The following IPO5 variants were observed in gnomAD, a reference collection of about 807,000 sequenced individuals.
The protein encoded by IPO5 is importin-5.
A neutral mutation model predicts 143.3 loss-of-function variants in IPO5; 18 were observed. That is an observed-to-expected ratio of 0.13 (90% CI 0.09 to 0.19). The LOEUF (loss-of-function observed/expected upper bound fraction) is 0.19, where lower values mean the gene tolerates loss of function less well. Among genes scored for constraint, IPO5 ranks in the 10% least tolerant of loss-of-function variants. The probability of loss-of-function intolerance (pLI) is 1.00; values close to 1 mark genes in which losing one functional copy is unlikely to be tolerated. For synonymous variants in IPO5, 477 were observed against 465.7 expected, an observed-to-expected ratio of 1.02 and a Z score of -0.31; for missense variants, 1,013 against 1,336.9, an observed-to-expected ratio of 0.76 and a Z score of 3.78.
At position 98,019,631 on chromosome 13, in the gene IPO5, A is replaced by G; in HGVS notation, c.2887A>G (p.Lys963Glu). The G allele has an allele frequency of 6.2e-7, 1 of 1,614,196 alleles. No individual in the cohort carries two copies. Among genetic ancestry groups the G allele is most frequent in the Admixed American group, 1.7e-5 (1 of 60,030 alleles). Residue 963 changes from lysine (K) to glutamate (E), a missense_variant, in exon 27 of 29, where the codon AAA (lysine) becomes GAA (glutamate). Physicochemically the swap from Lys to Glu is moderately conservative, Grantham distance 56. This residue lies in a region of IPO5 where 685 missense variants were observed against 994.9 expected (regional missense o/e 0.69). Transcript: ENST00000651721. ...RVIQSADSKT[K>E]ENVNATENCI... ...TATTCAGTCTGCGGATTCTAAGACC[A>G]AAGAAAATGTCAATGCTACAGAGAA...
At chr13:97,970,926 G>A (rs1885776813) in intron 3 of IPO5, among the ~76,000 whole-genome samples, 2 of 152,206 alleles carry the variant, frequency 1.3e-5, no homozygotes, top group African/African-American at 4.8e-5. Context: ...AGCAATCACA[G>A]CCACTATCTA....
At chr13:97,956,457 A>G (rs1884467080) in intron 2 of IPO5, among the ~76,000 whole-genome samples, 1 of 152,218 alleles carries the variant, frequency 6.6e-6, no homozygotes, top group African/African-American at 2.4e-5. Flanking sequence ...TTGCTCTGCC[A>G]GAAAATTAAT....
chr13:98,014,007 A>G lies in IPO5; in HGVS notation c.2153-35A>G, dbSNP rs754445360. On this transcript the variant is annotated intron_variant, in intron 21 of 28. Coordinates refer to ENST00000651721, the MANE Select transcript of IPO5 (RefSeq NM_002271.6). ...AACCCTTTAACATTTAAGCAAAATA[A>G]TAAACAGTCTTTTGAGGTTCCTTAA... is the stretch of plus-strand genomic sequence containing the variant. The G allele has an allele frequency of 1.9e-6, 3 of 1,579,890 alleles. No homozygotes were observed. The African/African-American group carries it at 4.1e-5, about 22-fold the overall frequency.
chr13:97,989,423 TG>T (rs1887642757), intron 7 of IPO5, among the ~76,000 whole-genome samples: 1 of 152,182 alleles, frequency 6.6e-6, no homozygotes, highest in Non-Finnish European at 1.5e-5. Flanking sequence ...AAAGTTTTAT[TG>T]AACAGTTTCC....
chr13:98,011,538 ACT>A (rs1474740822), intron 20 of IPO5, among the ~76,000 whole-genome samples: 2 of 142,192 alleles, frequency 1.4e-5, no homozygotes, highest in South Asian at 2.2e-4. Flanking sequence ...GATCCGTCTA[ACT>A]CTGTCAGCCA....
intron 4 of IPO5, chr13:97,982,107 C>A (rs547338307): frequency 3.5e-5 from 6 of 171,012 alleles, no homozygotes; most frequent in Non-Finnish European, 7.4e-5. Context: ...TGTACATCAT[C>A]CAGTCTAAAA....
At chr13:97,977,435 C>G (rs1566475674) in intron 4 of IPO5, among the ~76,000 whole-genome samples, 1 of 152,168 alleles carries the variant, frequency 6.6e-6, no homozygotes, top group Non-Finnish European at 1.5e-5. Flanking sequence ...GCAGTTTCCA[C>G]CTTACTCTGG....
chr13:98,011,209 C>T (rs977019000), intron 20 of IPO5, among the ~76,000 whole-genome samples: 10 of 152,054 alleles, frequency 6.6e-5, no homozygotes, highest in Non-Finnish European at 1.3e-4. Flanking sequence ...CAAATAATAA[C>T]ATCTTTAAAC....
At chr13:97,981,183 A>G (rs17190357) in intron 4 of IPO5, 4,772 of 442,018 alleles carry the variant, frequency 0.011, 62 homozygotes, top group Non-Finnish European at 0.017. Context: ...TAGAATGGGA[A>G]CTTGAGGTTA....
At chr13:98,021,694 G>A (rs372096807) in intron 28 of IPO5, 42 bp from the exon 29 acceptor site, 59 of 1,210,306 alleles carry the variant, frequency 4.9e-5, no homozygotes, top group Non-Finnish European at 6.4e-5. Context: ...CCTTCCAAAT[G>A]AGCATTTCGT....
Position 98,009,964 on chromosome 13 carries a change from G to A in IPO5, c.1884G>A (p.Gly628=), listed in dbSNP as rs1472913104. ...AGCAATACCTTCCAGTGGTTATGGG[G>A]CCTTTAATGAAGACGGCTTCAATTA... ...EFQQYLPVVM[G]PLMKTASIKP... is the part of the protein sequence containing the mutation. Residue 628 remains glycine, a synonymous_variant, in exon 19 of 29, where the codon GGG becomes GGA. Transcript: ENST00000651721. 3.7e-6 allele frequency: 6 copies of A among 1,614,102 alleles called. No individual in the cohort carries two copies. The highest frequency in any genetic ancestry group is 4.2e-6 in the Non-Finnish European group (5 of 1,179,976).
At chr13:97,958,574 C>T (rs1486224505) in intron 2 of IPO5, among the ~76,000 whole-genome samples, 1 of 151,756 alleles carries the variant, frequency 6.6e-6, no homozygotes, top group Non-Finnish European at 1.5e-5. Flanking sequence ...TTTTATTTTT[C>T]TTATGGAAGG....
chr13:97,968,756 T>A (rs1037910099), intron 2 of IPO5, among the ~76,000 whole-genome samples: 2 of 152,172 alleles, frequency 1.3e-5, no homozygotes, highest in Non-Finnish European at 2.9e-5. Flanking sequence ...AGTGGCACCA[T>A]CTCGGCTCAT....
At chr13:97,981,791 C>T (rs1383356345) in intron 4 of IPO5, among the ~76,000 whole-genome samples, 1 of 152,184 alleles carries the variant, frequency 6.6e-6, no homozygotes, top group Non-Finnish European at 1.5e-5. Context: ...GTTTTTTAAT[C>T]TGTTCTGATC....
intron 22 of IPO5, among the ~76,000 whole-genome samples, chr13:98,015,242 T>TTGTGTGTGTGTGTG (rs1179382229): frequency 2.1e-3 from 317 of 147,826 alleles, no homozygotes; most frequent in African/African-American, 6.2e-3. Context: ...TAGGAGCTGG[T>TTGTGTGTGTGTGTG]TGTGTGTGTG....
intron 4 of IPO5, 62 bp from the exon 5 acceptor site, chr13:97,982,441 C>A: frequency 5.5e-6 from 6 of 1,088,834 alleles, no homozygotes; most frequent in Non-Finnish European, 6.9e-6. Flanking sequence ...TTATTTCTTT[C>A]ACTGGTTTAC....
Position 98,012,246 on chromosome 13 carries a change from G to A in IPO5, c.2056G>A (p.Val686Ile). 6.3e-7 allele frequency: 1 copy of A among 1,589,358 alleles called. No homozygotes were observed. Among genetic ancestry groups the A allele is most frequent in the Non-Finnish European group, 8.6e-7 (1 of 1,157,550 alleles). The change falls in exon 21 of 29, where the codon GTT (valine) becomes ATT (isoleucine). Residue 686 changes from valine to isoleucine, a missense_variant and splice_region_variant. This residue lies in a region of IPO5 where 685 missense variants were observed against 994.9 expected (regional missense o/e 0.69). Transcript: ENST00000651721. ...EEKSTACQML[V>I]CYAKELKEGF... is the part of the protein sequence containing the mutation. ...TTTCCTCCCAATACTTTGGTTACAG[G>A]TTTGCTATGCTAAGGAGTTAAAGGA...
chr13:97,983,920 C>A (rs576685839), intron 5 of IPO5, among the ~76,000 whole-genome samples: 2 of 140,538 alleles, frequency 1.4e-5, no homozygotes, highest in South Asian at 4.6e-4. Context: ...TTTTCTGTAA[C>A]TCAAAATGGA....
At chr13:97,986,440 C>A (rs896077555) in intron 6 of IPO5, among the ~76,000 whole-genome samples, 2 of 151,958 alleles carry the variant, frequency 1.3e-5, no homozygotes, top group Non-Finnish European at 2.9e-5. Context: ...ACCGCAACCT[C>A]CGCCTCCCAG....
Sources: gnomAD v4.1 joint callset for allele counts (sites outside exome capture counted in the v4.1 genomes callset) on GRCh38, gnomAD v4.1.1 for gene constraint, gnomAD v4.1.1 regional missense constraint, MANE v1.5 for transcripts, NCBI Gene and HGNC (gene_info 2026-07-23, HGNC 2026-07-21) for gene names.